The following OR1F1 variants were observed in gnomAD, a reference collection of about 807,000 sequenced individuals.
The protein encoded by OR1F1 is olfactory receptor 1F1.
For synonymous variants in OR1F1, 184 were observed against 156.7 expected, an observed-to-expected ratio of 1.17 and a Z score of -1.30; for missense variants, 493 against 376.3, an observed-to-expected ratio of 1.31 and a Z score of -2.57.
exon 1 of OR1F1, chr16:3,204,833 A>C (rs1276003195): frequency 1.2e-6 from 2 of 1,614,080 alleles, no homozygotes; most frequent in South Asian, 2.2e-5. Context: ...CACCTCAATG[A>C]GGTCATAATC....
chr16:3,197,173 G>A, the OR1F1 span, among the ~76,000 whole-genome samples: 2 of 145,180 alleles, frequency 1.4e-5, no homozygotes, highest in Non-Finnish European at 3.0e-5. Context: ...ATCACACCTG[G>A]CATTTTTTTT....
the OR1F1 span, chr16:3,188,439 A>T: frequency 4.1e-4 from 62 of 152,278 alleles, no homozygotes; most frequent in African/African-American, 1.4e-3. Context: ...AGGGGCATAA[A>T]TTTTTTCTAG....
At chr16:3,194,427 G>A in the OR1F1 span, among the ~76,000 whole-genome samples, 3 of 152,192 alleles carry the variant, frequency 2.0e-5, no homozygotes, top group African/African-American at 7.2e-5. Flanking sequence ...AAAACGGGAA[G>A]GGAGATGACC....
the OR1F1 span, among the ~76,000 whole-genome samples, chr16:3,195,676 CA>C: frequency 3.6e-3 from 357 of 99,290 alleles, 1 homozygote; most frequent in African/African-American, 8.0e-3. Flanking sequence ...GAGTGGAACT[CA>C]AAAAAAAAAA....
the OR1F1 span, among the ~76,000 whole-genome samples, chr16:3,193,911 G>A: frequency 6.6e-6 from 1 of 152,152 alleles, no homozygotes; most frequent in African/African-American, 2.4e-5. Context: ...TAGGGCACGT[G>A]GTAACTGCCC....
chr16:3,198,349 A>G, the OR1F1 span, among the ~76,000 whole-genome samples: 351 of 152,104 alleles, frequency 2.3e-3, 2 homozygotes, highest in African/African-American at 8.0e-3. Flanking sequence ...TGAAGGCACA[A>G]AATAGCTGGT....
At chr16:3,198,594 A>C in the OR1F1 span, among the ~76,000 whole-genome samples, 1 of 152,156 alleles carries the variant, frequency 6.6e-6, no homozygotes, top group African/African-American at 2.4e-5. Flanking sequence ...CAGGAGATGA[A>C]ACAAAACAAC....
chr16:3,190,944 C>T, the OR1F1 span, among the ~76,000 whole-genome samples: 1 of 152,070 alleles, frequency 6.6e-6, no homozygotes, highest in Admixed American at 6.6e-5. Context: ...TCCTTTGAAC[C>T]TTCTAGATTG....
At chr16:3,196,643 C>T in the OR1F1 span, among the ~76,000 whole-genome samples, 4 of 151,748 alleles carry the variant, frequency 2.6e-5, no homozygotes, top group Middle Eastern at 3.4e-3. Context: ...CTGCGTTGGC[C>T]TCCCAAAGTG....
the OR1F1 span, among the ~76,000 whole-genome samples, chr16:3,188,950 G>C: frequency 6.6e-6 from 1 of 152,228 alleles, no homozygotes; most frequent in African/African-American, 2.4e-5. Context: ...AGCGTAGTTG[G>C]TGGCCTAAGC....
chr16:3,193,452 G>A, the OR1F1 span, among the ~76,000 whole-genome samples: 1 of 152,254 alleles, frequency 6.6e-6, no homozygotes, highest in South Asian at 2.1e-4. Context: ...CATGCGGGCT[G>A]GAGGATCGGA....
At chr16:3,203,532 A>G (rs369536600), upstream of OR1F1, among the ~76,000 whole-genome samples, 131 of 152,314 alleles carry the variant, frequency 8.6e-4, 1 homozygote, top group African/African-American at 3.0e-3. Flanking sequence ...TTGGGAGGCC[A>G]AGGCGGGCGG....
chr16:3,202,570 C>T (rs543836819), upstream of OR1F1, among the ~76,000 whole-genome samples: 125 of 151,794 alleles, frequency 8.2e-4, no homozygotes, highest in Middle Eastern at 0.01. Context: ...GTTTTTAAGA[C>T]GAATTCTCGC....
the OR1F1 span, among the ~76,000 whole-genome samples, chr16:3,193,526 T>C: frequency 6.6e-6 from 1 of 152,186 alleles, no homozygotes; most frequent in Non-Finnish European, 1.5e-5. Context: ...CTACGGGGAA[T>C]GGGAGTTTTC....
chr16:3,188,224 G>A, the OR1F1 span: 34 of 151,992 alleles, frequency 2.2e-4, no homozygotes, highest in Non-Finnish European at 4.7e-4. Flanking sequence ...GACTAGGAAG[G>A]CGGAGGGAGG....
chr16:3,190,862 CTG>C, the OR1F1 span, among the ~76,000 whole-genome samples: 1 of 151,814 alleles, frequency 6.6e-6, no homozygotes, highest in African/African-American at 2.4e-5. Flanking sequence ...ATTGGGAAGT[CTG>C]TAATACAATT....
At chr16:3,204,473 C>G (rs1014992426) in exon 1 of OR1F1, 2 of 1,614,054 alleles carry the variant, frequency 1.2e-6, no homozygotes, top group Non-Finnish European at 1.7e-6. Context: ...TTCTCCTTCA[C>G]CACCGTCCCC....
chr16:3,190,931 C>T, the OR1F1 span, among the ~76,000 whole-genome samples: 1 of 152,224 alleles, frequency 6.6e-6, no homozygotes, highest in Non-Finnish European at 1.5e-5. Flanking sequence ...ATGTAAAATG[C>T]TCTCCTTTGA....
the OR1F1 span, among the ~76,000 whole-genome samples, chr16:3,199,005 A>C: frequency 3.4e-5 from 5 of 148,578 alleles, no homozygotes; most frequent in Admixed American, 3.4e-4. Context: ...GAAGGTGAGG[A>C]TGGTGGCTCA....
Sources: gnomAD v4.1 joint callset for allele counts (sites outside exome capture counted in the v4.1 genomes callset) on GRCh38, gnomAD v4.1.1 for gene constraint, MANE v1.5 for transcripts, NCBI Gene and HGNC (gene_info 2026-07-23, HGNC 2026-07-21) for gene names.